Variants in LRRFIP1 observed in about 807,000 individuals in gnomAD.
LRRFIP1 encodes leucine-rich repeat flightless-interacting protein 1.
A neutral mutation model predicts 104.4 loss-of-function variants in LRRFIP1; 62 were observed. The observed-to-expected ratio is 0.59, with a 90% CI of 0.48 to 0.73. The LOEUF (loss-of-function observed/expected upper bound fraction) is 0.73. Among genes scored for constraint, LRRFIP1 ranks in the 30% least tolerant of loss-of-function variants. The pLI, the probability that LRRFIP1 is intolerant of heterozygous loss-of-function variation, is 0.00. For missense variants in LRRFIP1, 796 were observed against 824.5 expected (o/e 0.97, Z 0.42); for synonymous variants, 300 against 299.0 (o/e 1.00, Z -0.03).
rs532381738 is a variant in LRRFIP1, at chr2:237,766,254, G to A, written c.1460-3689G>A. 9.9e-5 allele frequency among the ~76,000 whole-genome samples: 15 copies of A among 152,264 alleles called. No homozygotes were observed. The highest frequency in any genetic ancestry group is 7.8e-4 in the Admixed American group (12 of 15,298). ...GTGTTTTGAAGAGCAGGATGAAAAC[G>A]GCAAAAACCTTGACTGTTTCTGCTC... On this transcript the variant is annotated intron_variant, in intron 19 of 23. Coordinates refer to ENST00000308482, the MANE Select transcript of LRRFIP1 (RefSeq NM_001137550.2). The surrounding 1 kb of genome is among the most constrained non-coding windows in gnomAD (Gnocchi z 4.8).
chr2:237,649,561 A>C lies in LRRFIP1; in HGVS notation c.96+21821A>C, dbSNP rs1425869081. Among the ~76,000 whole-genome samples the C allele has an allele frequency of 1.3e-5, 2 of 151,930 alleles. No individual in the cohort carries two copies. Among genetic ancestry groups the C allele is most frequent in the East Asian group, 1.9e-4 (1 of 5,192 alleles). On this transcript the variant is annotated intron_variant, in intron 1 of 23. Coordinates refer to ENST00000308482, the MANE Select transcript of LRRFIP1 (RefSeq NM_001137550.2). This position sits in a 1 kb window ranked among gnomAD's most constrained non-coding sequence, Gnocchi z 4.1. ...AAAAGAACACTGTGGTGTGAGAGGCAATTGTGGGTCAGCCTGAGGGCACAC... is the reference window on the plus strand; with the variant it reads ...AAAAGAACACTGTGGTGTGAGAGGCCATTGTGGGTCAGCCTGAGGGCACAC...
chr2:237,779,039 T>A (rs1190471209), intron 23 of LRRFIP1, among the ~76,000 whole-genome samples: 1 of 152,040 alleles, frequency 6.6e-6, no homozygotes, highest in African/African-American at 2.4e-5. Flanking sequence ...CTGGCCAACA[T>A]GGCAAAACCC....
intron 7 of LRRFIP1, among the ~76,000 whole-genome samples, chr2:237,727,092 T>C (rs1418962180): frequency 6.6e-6 from 1 of 152,180 alleles, no homozygotes; most frequent in Non-Finnish European, 1.5e-5. Context: ...GCGCGATGGC[T>C]CACGCCTGTA....
At position 237,780,471 on chromosome 2, in the gene LRRFIP1, A is replaced by C. The variant is rs2150955620; in HGVS notation, c.*939A>C. Among the ~76,000 whole-genome samples, 1 of 152,334 alleles carries C rather than the reference A, an allele frequency of 6.6e-6. No homozygotes were observed. The highest frequency in any genetic ancestry group is 1.9e-4 in the East Asian group (1 of 5,190). ...AAAAAAAAGGTGTTTTCACAGAATGAGTGCACTTAAAAAGTGAAGTGAAGG... is the reference window on the plus strand; with the variant it reads ...AAAAAAAAGGTGTTTTCACAGAATGCGTGCACTTAAAAAGTGAAGTGAAGG... On this transcript the variant is annotated 3_prime_UTR_variant, in exon 24 of 24. Coordinates refer to ENST00000308482, the MANE Select transcript of LRRFIP1 (RefSeq NM_001137550.2).
Position 237,720,833 on chromosome 2 carries a change from A to G in LRRFIP1, c.345+11A>G. ...CGTGGAAGCCTGAGGGTCAGTAACC[A>G]GAATGATGGAGTTTGCATGGCACAG... is the stretch of plus-strand genomic sequence containing the variant. On this transcript the variant is annotated intron_variant, in intron 6 of 23. Coordinates refer to ENST00000308482, the MANE Select transcript of LRRFIP1 (RefSeq NM_001137550.2). 1 of 1,613,492 alleles carries G rather than the reference A, an allele frequency of 6.2e-7. No homozygotes were observed. The highest frequency in any genetic ancestry group is 8.5e-7 in the Non-Finnish European group (1 of 1,179,380).
intron 1 of LRRFIP1, among the ~76,000 whole-genome samples, chr2:237,643,986 A>G (rs1169815477): frequency 6.6e-6 from 1 of 152,204 alleles, no homozygotes; most frequent in Non-Finnish European, 1.5e-5. Context: ...GTAATAAGAT[A>G]TAGAGGGGAA....
chr2:237,738,046 G>T (rs572694039), intron 10 of LRRFIP1, among the ~76,000 whole-genome samples: 1 of 152,264 alleles, frequency 6.6e-6, no homozygotes, highest in South Asian at 2.1e-4. Flanking sequence ...GCCTCATCTG[G>T]TCACTAGCCC....
chr2:237,678,559 G>A (rs1265822843), intron 1 of LRRFIP1, among the ~76,000 whole-genome samples: 1 of 152,056 alleles, frequency 6.6e-6, no homozygotes, highest in Non-Finnish European at 1.5e-5. Flanking sequence ...AGGCTGGAAT[G>A]CAGTGGAGTG....
intron 15 of LRRFIP1, among the ~76,000 whole-genome samples, chr2:237,755,309 A>G (rs912640956): frequency 6.6e-6 from 1 of 152,222 alleles, no homozygotes; most frequent in African/African-American, 2.4e-5. Flanking sequence ...CTTAAGGGGC[A>G]GCCCTGAAGC....
chr2:237,755,101 C>T (rs1400898067), intron 15 of LRRFIP1, among the ~76,000 whole-genome samples: 1 of 152,224 alleles, frequency 6.6e-6, no homozygotes, highest in Non-Finnish European at 1.5e-5. Flanking sequence ...GAGCGTCCTG[C>T]AGGCCTGTAA....
chr2:237,719,940 C>CTTTTT (rs57355213), intron 5 of LRRFIP1, among the ~76,000 whole-genome samples: 74 of 103,984 alleles, frequency 7.1e-4, no homozygotes, highest in Non-Finnish European at 1.1e-3. Context: ...GATGAAATTA[C>CTTTTT]TTTTTTTTTT....
rs920745960 is a variant in LRRFIP1 at position 237,658,106 on chromosome 2, G to A, written c.96+30366G>A. Among the ~76,000 whole-genome samples, 5 of 152,310 alleles carry A rather than the reference G, an allele frequency of 3.3e-5. No individual in the cohort carries two copies. In the South Asian group the frequency reaches 8.3e-4, roughly 25 times the overall value. The stretch of plus-strand genomic sequence containing the variant: ...TACAAGGATTTAGGAAGGCAGCTGG[G>A]TATAAGCTACTGCCCAGAAATCAAT... On this transcript the variant is annotated intron_variant, in intron 1 of 23. Coordinates refer to ENST00000308482, the MANE Select transcript of LRRFIP1 (RefSeq NM_001137550.2).
rs578076582 is a variant in LRRFIP1 at position 237,663,794 on chromosome 2, C to T, written c.96+36054C>T. Reference sequence around the variant, plus strand: ...GTTCAGTTCTGTTCTGGGAATGTTGCCTTGAGGCAGCTGAGCACTACCCAC... The same window carrying T: ...GTTCAGTTCTGTTCTGGGAATGTTGTCTTGAGGCAGCTGAGCACTACCCAC... On this transcript the variant is annotated intron_variant, in intron 1 of 23. Coordinates refer to ENST00000308482, the MANE Select transcript of LRRFIP1 (RefSeq NM_001137550.2). Among the ~76,000 whole-genome samples the T allele has an allele frequency of 4.0e-5, 6 of 151,738 alleles. No individual in the cohort carries two copies. The East Asian group carries it at 1.2e-3, about 30-fold the overall frequency.
At position 237,739,297 on chromosome 2, in the gene LRRFIP1, G is replaced by A; in HGVS notation, c.621G>A (p.Arg207=). The stretch of plus-strand genomic sequence containing the variant: ...CCTCCTCCAGGGCCAGCTCGGCCCG[G>A]GCCAGCCCTGTGGTAAGTCGGCCTC... ...SRASSRASSA[R]ASPVVEERPE... The change falls in exon 11 of 24, where the codon CGG becomes CGA. Residue 207 remains arginine (R), a synonymous_variant. Coordinates refer to ENST00000308482, the MANE Select transcript of LRRFIP1 (RefSeq NM_001137550.2). The A allele has an allele frequency of 2.6e-6, 4 of 1,559,986 alleles. No individual in the cohort carries two copies. The highest frequency in any genetic ancestry group is 3.5e-6 in the Non-Finnish European group (4 of 1,152,994).
Position 237,661,904 on chromosome 2 carries a change from T to C in LRRFIP1, c.96+34164T>C, listed in dbSNP as rs1410191882. On this transcript the variant is annotated intron_variant, in intron 1 of 23. Coordinates refer to ENST00000308482, the MANE Select transcript of LRRFIP1 (RefSeq NM_001137550.2). The surrounding 1 kb of genome is among the most constrained non-coding windows in gnomAD (Gnocchi z 4.4). ...ATTCCTTTGGACAAAATGTAAAATC[T>C]GGCTGAAGACTGAGTCCTCGTGCAC... 2.0e-5 allele frequency among the ~76,000 whole-genome samples: 3 copies of C among 152,356 alleles called. No individual in the cohort carries two copies. The highest frequency in any genetic ancestry group is 7.2e-5 in the African/African-American group (3 of 41,584).
At chr2:237,692,040 C>T (rs1344752002) in intron 1 of LRRFIP1, 11 of 295,518 alleles carry the variant, frequency 3.7e-5, no homozygotes, top group African/African-American at 8.7e-5. Flanking sequence ...GGCGGAGCGG[C>T]GCAGGGGGGC....
At chr2:237,650,586 G>A (rs1029400364) in intron 1 of LRRFIP1, among the ~76,000 whole-genome samples, 3 of 152,232 alleles carry the variant, frequency 2.0e-5, no homozygotes, top group African/African-American at 4.8e-5. Context: ...CACAGCCTGG[G>A]CGGGGCTGGC....
At chr2:237,726,615 A>G (rs1390533520) in intron 7 of LRRFIP1, among the ~76,000 whole-genome samples, 3 of 152,212 alleles carry the variant, frequency 2.0e-5, no homozygotes, top group Non-Finnish European at 4.4e-5. Context: ...ACAGATGTTC[A>G]AGTGCATTAA....
intron 11 of LRRFIP1, among the ~76,000 whole-genome samples, chr2:237,742,040 A>G (rs2057160652): frequency 6.6e-6 from 1 of 152,204 alleles, no homozygotes; most frequent in South Asian, 2.1e-4. Flanking sequence ...ACAGGGCTCA[A>G]TATAGTCACT....
Sources: allele counts gnomAD v4.1 joint callset (sites outside exome capture counted in the v4.1 genomes callset), GRCh38; gene constraint gnomAD v4.1.1; non-coding constraint Gnocchi (gnomAD v3.1); transcripts MANE v1.5; gene names NCBI Gene and HGNC (gene_info 2026-07-23, HGNC 2026-07-21).